The following BTG4 variants were observed in gnomAD, a reference collection of about 807,000 sequenced individuals.
BTG4 encodes the protein protein BTG4.
BTG4 carries 10 observed loss-of-function variants against 19.3 expected under a neutral mutation model. The ratio of observed to expected loss-of-function variants is 0.52; its 90% CI spans 0.32 to 0.88. BTG4 has a LOEUF of 0.88. Ranked by LOEUF, BTG4 falls within the 40% of genes least tolerant of loss-of-function variation. The pLI, the probability that BTG4 is intolerant of heterozygous loss-of-function variation, is 0.04. For synonymous variants in BTG4, 91 were observed against 95.7 expected (o/e 0.95, Z 0.29); for missense variants, 238 against 281.9 (o/e 0.84, Z 1.11).
chr11:111,453,995 T>G, the BTG4 span, among the ~76,000 whole-genome samples: 3 of 152,324 alleles, frequency 2.0e-5, no homozygotes, highest in South Asian at 6.2e-4. Context: ...AGAACTTTAA[T>G]GTAGATATGA....
the BTG4 span, chr11:111,386,133 G>T: frequency 6.6e-6 from 1 of 152,170 alleles, no homozygotes; most frequent in Admixed American, 6.5e-5. Context: ...ATTCCAGCCT[G>T]AGCAACAAAG....
chr11:111,419,326 T>A, the BTG4 span, among the ~76,000 whole-genome samples: 3 of 152,238 alleles, frequency 2.0e-5, no homozygotes, highest in Admixed American at 2.0e-4. Context: ...GGCCTGTAAC[T>A]GCCTTCCTTC....
At chr11:111,440,933 G>T in the BTG4 span, among the ~76,000 whole-genome samples, 2 of 152,144 alleles carry the variant, frequency 1.3e-5, no homozygotes, top group South Asian at 2.1e-4. Context: ...CACCACTTAG[G>T]TACTGAGTCA....
intron 5 of BTG4, among the ~76,000 whole-genome samples, chr11:111,470,188 T>C (rs1863977427): frequency 6.6e-6 from 1 of 152,190 alleles, no homozygotes; most frequent in Non-Finnish European, 1.5e-5. Flanking sequence ...CTTGACCTGC[T>C]GAGCTTAAGC....
Position 111,479,315 on chromosome 11 carries a change from A to C in BTG4, c.663-11634T>G, listed in dbSNP as rs138881101. Among the ~76,000 whole-genome samples the C allele has an allele frequency of 1.5e-3, 232 of 152,274 alleles. 2 individuals are homozygous for C. Among genetic ancestry groups the C allele is most frequent in the African/African-American group, 5.2e-3 (218 of 41,562 alleles). On this transcript the variant is annotated intron_variant, in intron 5 of 5. Coordinates refer to the BTG4 transcript ENST00000356018. ...GAAACAATACATTCTCAGATGAATC[A>C]AAGCTAAGAATAAGCCGGGTGCAGT...
At chr11:111,496,343 A>C (rs897841956) in intron 4 of BTG4, among the ~76,000 whole-genome samples, 1 of 152,154 alleles carries the variant, frequency 6.6e-6, no homozygotes, top group Non-Finnish European at 1.5e-5. Context: ...AAAAACCAGT[A>C]AAATGTTCAT....
chr11:111,395,728 G>A, the BTG4 span, among the ~76,000 whole-genome samples: 1 of 152,176 alleles, frequency 6.6e-6, no homozygotes, highest in East Asian at 1.9e-4. Flanking sequence ...TGTCTTTGGG[G>A]TCTTCCCACT....
chr11:111,474,894 A>G (rs561539825), intron 5 of BTG4, among the ~76,000 whole-genome samples: 1 of 152,182 alleles, frequency 6.6e-6, no homozygotes, highest in Non-Finnish European at 1.5e-5. Flanking sequence ...AATGAAACTG[A>G]GTGTTTTTCA....
intron 5 of BTG4, chr11:111,475,333 T>C (rs1745821108): frequency 6.6e-6 from 1 of 152,120 alleles, no homozygotes; most frequent in African/African-American, 2.4e-5. Flanking sequence ...GACTAAAAGA[T>C]CATTAGATCA....
chr11:111,482,845 A>G (rs1414106095), intron 5 of BTG4, among the ~76,000 whole-genome samples: 2 of 152,024 alleles, frequency 1.3e-5, no homozygotes, highest in Non-Finnish European at 2.9e-5. Context: ...TAGAAAAAAA[A>G]AAACTTCAGG....
At chr11:111,433,485 T>C in the BTG4 span, among the ~76,000 whole-genome samples, 18 of 152,270 alleles carry the variant, frequency 1.2e-4, no homozygotes, top group African/African-American at 2.9e-4. Context: ...ATTCAGGACA[T>C]AGGCATAGGC....
chr11:111,413,258 A>T, the BTG4 span, among the ~76,000 whole-genome samples: 1 of 152,240 alleles, frequency 6.6e-6, no homozygotes, highest in Admixed American at 6.5e-5. Context: ...ATACCTTGCT[A>T]CTTAAAGTGT....
At chr11:111,433,409 T>G in the BTG4 span, among the ~76,000 whole-genome samples, 1 of 152,138 alleles carries the variant, frequency 6.6e-6, no homozygotes, top group Non-Finnish European at 1.5e-5. Flanking sequence ...TAACTCAAGA[T>G]GGATTAAAGA....
the BTG4 span, among the ~76,000 whole-genome samples, chr11:111,421,864 G>T: frequency 1.3e-5 from 2 of 151,946 alleles, no homozygotes; most frequent in African/African-American, 2.4e-5. Context: ...AGTGAGCCAA[G>T]ATCATGCCAC....
At chr11:111,451,161 T>A in the BTG4 span, 1 of 258,998 alleles carries the variant, frequency 3.9e-6, no homozygotes, top group Non-Finnish European at 8.2e-6. Flanking sequence ...CACAGCCCCA[T>A]CATCATGGAG....
At chr11:111,505,244 G>T (rs959864992) in intron 1 of BTG4, among the ~76,000 whole-genome samples, 1 of 151,948 alleles carries the variant, frequency 6.6e-6, no homozygotes, top group East Asian at 1.9e-4. Context: ...AACTAAAATC[G>T]CATGGTACTA....
At chr11:111,433,929 G>A in the BTG4 span, among the ~76,000 whole-genome samples, 4 of 152,214 alleles carry the variant, frequency 2.6e-5, no homozygotes, top group Non-Finnish European at 4.4e-5. Flanking sequence ...TGGAAAAATA[G>A]GAATGCTTTC....
At chr11:111,395,456 G>T in the BTG4 span, among the ~76,000 whole-genome samples, 2 of 152,222 alleles carry the variant, frequency 1.3e-5, no homozygotes, top group Admixed American at 1.3e-4. Context: ...CACTGAGCAG[G>T]TCCTGGGATC....
At chr11:111,456,382 C>T in the BTG4 span, 1 of 395,274 alleles carries the variant, frequency 2.5e-6, no homozygotes, top group Non-Finnish European at 5.2e-6. The surrounding 1 kb of genome is among the most constrained non-coding windows in gnomAD (Gnocchi z 4.2). Flanking sequence ...CCCTCAGGAG[C>T]ACAATGTCTG....
Sources: gnomAD v4.1 joint callset for allele counts (sites outside exome capture counted in the v4.1 genomes callset) on GRCh38, gnomAD v4.1.1 for gene constraint, Gnocchi (gnomAD v3.1) non-coding constraint, MANE v1.5 for transcripts, NCBI Gene and HGNC (gene_info 2026-07-23, HGNC 2026-07-21) for gene names.